The following SYT17 variants were observed in gnomAD, a reference collection of about 807,000 sequenced individuals.
The protein encoded by SYT17 is synaptotagmin-17.
SYT17 carries 22 observed loss-of-function variants against 46.7 expected under a neutral mutation model. That is an observed-to-expected ratio of 0.47 (90% CI 0.34 to 0.67). The LOEUF is 0.67. SYT17 is among the 30% of genes least tolerant of loss of function. SYT17 has a pLI of 0.01. For synonymous variants in SYT17, 251 were observed against 248.4 expected (o/e 1.01, Z -0.10); for missense variants, 519 against 612.8 (o/e 0.85, Z 1.62).
intron 3 of SYT17, among the ~76,000 whole-genome samples, chr16:19,174,457 A>G (rs1167542951): frequency 6.6e-6 from 1 of 152,206 alleles, no homozygotes; most frequent in Non-Finnish European, 1.5e-5. Context: ...AGCCTGGCAG[A>G]GTGGAAGGAG....
At chr16:19,206,018 A>C (rs866828395) in intron 5 of SYT17, among the ~76,000 whole-genome samples, 75 of 152,368 alleles carry the variant, frequency 4.9e-4, no homozygotes, top group African/African-American at 1.7e-3. Context: ...GGAAAGGAGA[A>C]AGAGAAAAAA....
intron 7 of SYT17, among the ~76,000 whole-genome samples, chr16:19,246,578 A>G (rs1967588581): frequency 6.6e-6 from 1 of 152,176 alleles, no homozygotes; most frequent in Non-Finnish European, 1.5e-5. Flanking sequence ...GTATGCACTA[A>G]TATGTGTATA....
Position 19,168,335 on chromosome 16 carries a change from T to G in SYT17, c.-312T>G. 3 of 432,240 alleles carry G rather than the reference T, an allele frequency of 6.9e-6. No homozygotes were observed. Among genetic ancestry groups the G allele is most frequent in the Non-Finnish European group, 8.2e-6 (2 of 243,206 alleles). The allele number at this position is 432,240 out of a possible 1,614,324, so 26.8% of individuals were successfully genotyped here. On this transcript the variant is annotated 5_prime_UTR_variant, in exon 1 of 8. Transcript: ENST00000355377. This position sits in a 1 kb window ranked among gnomAD's most constrained non-coding sequence, Gnocchi z 6.9. ...TGCTTGCCCAGGCGCCCCGGCCTTA[T>G]TCCAGCCTGGGGAGCGCCTCGGTGG... is the stretch of plus-strand genomic sequence containing the variant.
chr16:19,215,148 G>A (rs969107558), intron 5 of SYT17, among the ~76,000 whole-genome samples: 18 of 152,106 alleles, frequency 1.2e-4, no homozygotes, highest in African/African-American at 3.9e-4. Flanking sequence ...ATTTCTCAAC[G>A]GGAACTGCAG....
At chr16:19,199,075 T>C (rs1472707218) in intron 5 of SYT17, among the ~76,000 whole-genome samples, 2 of 152,212 alleles carry the variant, frequency 1.3e-5, no homozygotes, top group African/African-American at 2.4e-5. Context: ...TTCCAAGGGC[T>C]GTCAACATTG....
At position 19,208,884 on chromosome 16, in the gene SYT17, CTTTTTTT is replaced by C. The variant is rs1191498524; in HGVS notation, c.952-14141_952-14135del. Among the ~76,000 whole-genome samples the C allele has an allele frequency of 3.2e-3, 200 of 63,310 alleles. 2 individuals carry two copies. Among genetic ancestry groups the C allele is most frequent in the African/African-American group, 0.012 (166 of 14,200 alleles). The allele number at this position is 63,310 out of a possible 152,430, so 41.5% of individuals were successfully genotyped here. On this transcript the variant is annotated intron_variant, in intron 5 of 7. Transcript: ENST00000355377. Reference sequence around the variant, plus strand: ...ATTTAATCACTTCTACAAGGACCTTCTTTTTTTTTTTTTTTTTTTTTTTTTTGAGACA... The same window carrying C: ...ATTTAATCACTTCTACAAGGACCTTCTTTTTTTTTTTTTTTTTTTGAGACA...
chr16:19,201,903 G>C (rs1965481967), intron 5 of SYT17, among the ~76,000 whole-genome samples: 1 of 152,076 alleles, frequency 6.6e-6, no homozygotes, highest in Non-Finnish European at 1.5e-5. Flanking sequence ...TGACTTCTCT[G>C]AGCCTCAATT....
At chr16:19,252,117 A>C (rs113035212) in intron 7 of SYT17, among the ~76,000 whole-genome samples, 14,963 of 151,378 alleles carry the variant, frequency 0.099, 1,626 homozygotes, top group East Asian at 0.35. Flanking sequence ...AGCTGACATC[A>C]TGCCACTGCA....
chr16:19,216,743 G>T (rs1027467834), intron 5 of SYT17, among the ~76,000 whole-genome samples: 1 of 152,124 alleles, frequency 6.6e-6, no homozygotes, highest in Non-Finnish European at 1.5e-5. Context: ...AGTATTCCAT[G>T]GTGTATATAT....
At chr16:19,247,570 A>C (rs979279984) in intron 7 of SYT17, among the ~76,000 whole-genome samples, 5 of 152,240 alleles carry the variant, frequency 3.3e-5, no homozygotes, top group Non-Finnish European at 7.3e-5. Context: ...TTCTTGAAGC[A>C]TCCAATTGAG....
intron 5 of SYT17, among the ~76,000 whole-genome samples, chr16:19,196,761 A>T (rs1028672919): frequency 3.9e-5 from 6 of 152,204 alleles, no homozygotes; most frequent in Non-Finnish European, 7.3e-5. Flanking sequence ...AATTTACATT[A>T]GGATGCTCTG....
chr16:19,193,628 CAA>C (rs1293129862), intron 5 of SYT17, among the ~76,000 whole-genome samples: 1 of 152,132 alleles, frequency 6.6e-6, no homozygotes, highest in Non-Finnish European at 1.5e-5. Context: ...CCTCTAAAGA[CAA>C]AGATTTGAGT....
chr16:19,264,319 T>A (rs1248713138), intron 7 of SYT17, among the ~76,000 whole-genome samples: 1 of 152,230 alleles, frequency 6.6e-6, no homozygotes, highest in Non-Finnish European at 1.5e-5. Context: ...TTTGACTGTG[T>A]TCCAATAAAA....
At chr16:19,239,711 C>G (rs1001412187) in intron 7 of SYT17, among the ~76,000 whole-genome samples, 2 of 152,204 alleles carry the variant, frequency 1.3e-5, no homozygotes, top group African/African-American at 2.4e-5. Flanking sequence ...TGGCCGGAAA[C>G]CACTGTGCCT....
At chr16:19,244,711 G>C (rs72779578) in intron 7 of SYT17, among the ~76,000 whole-genome samples, 1 of 152,082 alleles carries the variant, frequency 6.6e-6, no homozygotes, top group Non-Finnish European at 1.5e-5. Flanking sequence ...GTGATTCAGC[G>C]GCCCAGGCGC....
chr16:19,256,875 G>A (rs1968612659), intron 7 of SYT17, among the ~76,000 whole-genome samples: 2 of 152,046 alleles, frequency 1.3e-5, no homozygotes, highest in African/African-American at 2.4e-5. Flanking sequence ...ACTGTGCTTG[G>A]CCTCTTCTTT....
At chr16:19,192,528 G>T (rs1392230240) in intron 5 of SYT17, among the ~76,000 whole-genome samples, 3 of 152,154 alleles carry the variant, frequency 2.0e-5, no homozygotes, top group Non-Finnish European at 4.4e-5. Context: ...TTCGAGACCA[G>T]CCTGGGCAAC....
intron 5 of SYT17, among the ~76,000 whole-genome samples, chr16:19,213,204 C>T (rs1276833555): frequency 6.6e-6 from 1 of 152,230 alleles, no homozygotes; most frequent in Non-Finnish European, 1.5e-5. Context: ...CAGGTCTAGT[C>T]ATCATGAGAG....
chr16:19,255,742 G>C (rs1202209697), intron 7 of SYT17, among the ~76,000 whole-genome samples: 4 of 152,082 alleles, frequency 2.6e-5, no homozygotes, highest in African/African-American at 9.7e-5. Flanking sequence ...CTATAATCAT[G>C]CCACGCCACT....
Sources: allele counts gnomAD v4.1 joint callset (sites outside exome capture counted in the v4.1 genomes callset), GRCh38; gene constraint gnomAD v4.1.1; non-coding constraint Gnocchi (gnomAD v3.1); transcripts MANE v1.5; gene names NCBI Gene and HGNC (gene_info 2026-07-23, HGNC 2026-07-21).